Variants in SLC4A4 observed in about 807,000 individuals in gnomAD.
The protein encoded by SLC4A4 is solute carrier family 4 member 4, also known as electrogenic sodium bicarbonate cotransporter 1.
SLC4A4 carries 27 observed loss-of-function variants against 111.5 expected under a neutral mutation model. That is an observed-to-expected ratio of 0.24 (90% CI 0.18 to 0.33). The LOEUF (loss-of-function observed/expected upper bound fraction) is 0.33. SLC4A4 is among the 10% of genes least tolerant of loss of function. SLC4A4 has a pLI of 1.00. For missense variants in SLC4A4, 909 were observed against 1,315.5 expected (o/e 0.69, Z 4.78); for synonymous variants, 443 against 463.4 (o/e 0.96, Z 0.57).
intron 7 of SLC4A4, among the ~76,000 whole-genome samples, chr4:71,398,272 G>A (rs539586092): frequency 2.8e-5 from 4 of 143,632 alleles, no homozygotes; most frequent in African/African-American, 7.6e-5. Flanking sequence ...GTGACAGAGC[G>A]AGACTTTGTC....
chr4:71,155,145 A>C (rs1249909450), intron 2 of SLC4A4, among the ~76,000 whole-genome samples: 1 of 151,960 alleles, frequency 6.6e-6, no homozygotes, highest in African/African-American at 2.4e-5. Flanking sequence ...CTAACGTTGA[A>C]AAAGTTTGAA....
intron 3 of SLC4A4, among the ~76,000 whole-genome samples, chr4:71,309,352 C>A (rs554995997): frequency 8.5e-5 from 13 of 152,318 alleles, no homozygotes; most frequent in Non-Finnish European, 1.9e-4. Flanking sequence ...AAGGAGGGTT[C>A]TCCCAGCGTG....
intron 1 of SLC4A4, among the ~76,000 whole-genome samples, chr4:71,075,996 A>C (rs941346010): frequency 6.7e-6 from 1 of 148,616 alleles, no homozygotes; most frequent in Non-Finnish European, 1.5e-5. Context: ...TAAATAAATA[A>C]ATAAATAAAT....
chr4:71,092,066 C>T (rs1205233630), intron 1 of SLC4A4, among the ~76,000 whole-genome samples: 1 of 152,130 alleles, frequency 6.6e-6, no homozygotes. Flanking sequence ...TGTTACCAGA[C>T]TAGTAACACA....
chr4:71,151,197 G>C (rs758089926), intron 2 of SLC4A4, among the ~76,000 whole-genome samples: 2 of 152,240 alleles, frequency 1.3e-5, no homozygotes, highest in African/African-American at 2.4e-5. Context: ...AGCACTGGTA[G>C]ACTGCGTCTA....
chr4:71,250,973 T>C (rs1721030419), intron 2 of SLC4A4, among the ~76,000 whole-genome samples: 1 of 152,158 alleles, frequency 6.6e-6, no homozygotes, highest in South Asian at 2.1e-4. Flanking sequence ...GAGGTAGATA[T>C]AAAACACCTC....
chr4:71,370,870 A>G (rs1731808045), intron 6 of SLC4A4, among the ~76,000 whole-genome samples: 1 of 152,200 alleles, frequency 6.6e-6, no homozygotes, highest in Non-Finnish European at 1.5e-5. Flanking sequence ...TATGGCAGCT[A>G]TTTGGAAATC....
chr4:71,422,085 G>T lies in SLC4A4; in HGVS notation c.808-18531G>T, dbSNP rs774118942. On this transcript the variant is annotated intron_variant, in intron 7 of 25. Coordinates refer to ENST00000264485, the MANE Select transcript of SLC4A4 (RefSeq NM_001098484.3). ...AAAGGATCAACAAAATTGATAGACC[G>T]CTAGCAAGACTAATAAAGAAAAAAA... 1.9e-3 allele frequency among the ~76,000 whole-genome samples: 278 copies of T among 147,788 alleles called. 1 individual carries two copies. The highest frequency in any genetic ancestry group is 3.5e-3 in the Non-Finnish European group (234 of 66,648).
At chr4:71,319,670 T>C (rs915140167) in intron 3 of SLC4A4, among the ~76,000 whole-genome samples, 8 of 152,090 alleles carry the variant, frequency 5.3e-5, no homozygotes, top group Non-Finnish European at 1.0e-4. Context: ...CTTAATATAA[T>C]AGCATTATCT....
At chr4:71,559,315 C>T (rs1443668402) in intron 22 of SLC4A4, among the ~76,000 whole-genome samples, 1 of 151,610 alleles carries the variant, frequency 6.6e-6, no homozygotes, top group Non-Finnish European at 1.5e-5. Context: ...TTCATAGAAC[C>T]AAAAATACAC....
intron 7 of SLC4A4, among the ~76,000 whole-genome samples, chr4:71,419,120 G>C (rs1240286548): frequency 6.6e-6 from 1 of 152,238 alleles, no homozygotes; most frequent in Non-Finnish European, 1.5e-5. Flanking sequence ...GTGCCTCCCA[G>C]TTAGGCTGCT....
At chr4:71,086,202 G>C (rs1742163946) in intron 1 of SLC4A4, among the ~76,000 whole-genome samples, 1 of 151,568 alleles carries the variant, frequency 6.6e-6, no homozygotes, top group Admixed American at 6.6e-5. Context: ...TTGGCTCTCT[G>C]TTTGTCTGTT....
chr4:71,150,807 T>C (rs1036510783), intron 2 of SLC4A4, among the ~76,000 whole-genome samples: 2 of 152,134 alleles, frequency 1.3e-5, no homozygotes, highest in Admixed American at 6.6e-5. Flanking sequence ...TGGCCTCCCT[T>C]CCCCTTTCCA....
At chr4:71,438,784 G>C (rs1052638262) in intron 7 of SLC4A4, among the ~76,000 whole-genome samples, 1 of 151,904 alleles carries the variant, frequency 6.6e-6, no homozygotes, top group Non-Finnish European at 1.5e-5. Context: ...AAACAAGAAG[G>C]CTTAACCCAT....
chr4:71,473,209 A>G, intron 14 of SLC4A4: 1 of 644,460 alleles, frequency 1.6e-6, no homozygotes, highest in Admixed American at 2.5e-5. Context: ...AATATTTTGA[A>G]ATTAACTCAA....
In SLC4A4 at chr4:71,191,358, C is replaced by CT. The variant is rs1328335724; in HGVS notation, c.-2+3958dup. 2.6e-5 allele frequency among the ~76,000 whole-genome samples: 4 copies of CT among 152,254 alleles called. No individual in the cohort carries two copies. The East Asian group carries it at 7.7e-4, about 29-fold the overall frequency. ...TCATCTTGTTCTTCTTTCCTGAAAA[C>CT]TAAGTAAATATAAGGGATTGTTATG... On this transcript the variant is annotated intron_variant, in intron 1 of 25. Transcript: ENST00000264485.
At chr4:71,299,832 G>A (rs1725081929) in intron 3 of SLC4A4, among the ~76,000 whole-genome samples, 1 of 152,190 alleles carries the variant, frequency 6.6e-6, no homozygotes, top group Non-Finnish European at 1.5e-5. Flanking sequence ...GGCTGGGCTG[G>A]AGCAGCCAGC....
intron 3 of SLC4A4, among the ~76,000 whole-genome samples, chr4:71,292,721 A>G (rs1464744355): frequency 6.6e-6 from 1 of 152,148 alleles, no homozygotes; most frequent in African/African-American, 2.4e-5. Context: ...TGAAATAATA[A>G]ATAGGCGGGA....
intron 1 of SLC4A4, among the ~76,000 whole-genome samples, chr4:71,223,298 C>G (rs1264020034): frequency 1.3e-5 from 2 of 151,950 alleles, no homozygotes; most frequent in East Asian, 3.9e-4. Flanking sequence ...GCCTCAGCCT[C>G]CCGGGTAGCT....
Sources: gnomAD v4.1 joint callset for allele counts (sites outside exome capture counted in the v4.1 genomes callset) on GRCh38, gnomAD v4.1.1 for gene constraint, MANE v1.5 for transcripts, NCBI Gene and HGNC (gene_info 2026-07-23, HGNC 2026-07-21) for gene names.